The following MYL4 variants were observed in gnomAD, a reference collection of about 807,000 sequenced individuals.
MYL4 encodes atrial myosin light chain 1.
A neutral mutation model predicts 21.6 loss-of-function variants in MYL4; 16 were observed. The observed-to-expected ratio is 0.74, with a 90% CI of 0.50 to 1.12. MYL4 has a LOEUF of 1.12. Among genes scored for constraint, MYL4 ranks in the 50% most tolerant of loss-of-function variants. The pLI, the probability that MYL4 is intolerant of heterozygous loss-of-function variation, is 0.00. For synonymous variants in MYL4, 82 were observed against 95.7 expected, an observed-to-expected ratio of 0.86 and a Z score of 0.83; for missense variants, 249 against 252.9, an observed-to-expected ratio of 0.98 and a Z score of 0.11.
At chr17:47,209,823 A>G (rs1001078680) in intron 1 of MYL4, 5 of 562,616 alleles carry the variant, frequency 8.9e-6, no homozygotes, top group African/African-American at 1.9e-5. Flanking sequence ...TAAGTTGGGA[A>G]TGGGGGGAGG....
intron 1 of MYL4, among the ~76,000 whole-genome samples, chr17:47,211,274 G>A (rs530561427): frequency 3.3e-5 from 5 of 152,296 alleles, no homozygotes; most frequent in Non-Finnish European, 5.9e-5. Flanking sequence ...GAAGCCAGAT[G>A]AGGTGATTCA....
chr17:47,198,328 AAG>A (rs552703196), upstream of MYL4, among the ~76,000 whole-genome samples: 192 of 152,284 alleles, frequency 1.3e-3, 1 homozygote, highest in African/African-American at 4.5e-3. Flanking sequence ...TTAGAACAAA[AAG>A]AGTAAATTTA....
chr17:47,194,340 T>C, the MYL4 span, among the ~76,000 whole-genome samples: 1 of 152,220 alleles, frequency 6.6e-6, no homozygotes, highest in Admixed American at 6.5e-5. Context: ...CTGTCTCTGG[T>C]GATAAGAATG....
chr17:47,198,613 G>T (rs771250629), upstream of MYL4, among the ~76,000 whole-genome samples: 3 of 152,132 alleles, frequency 2.0e-5, no homozygotes, highest in Non-Finnish European at 2.9e-5. Context: ...TATGTGATTT[G>T]GGAGATAGAG....
chr17:47,226,884 TC>T (rs532232230), downstream of MYL4, among the ~76,000 whole-genome samples: 243 of 152,292 alleles, frequency 1.6e-3, 1 homozygote, highest in Middle Eastern at 3.4e-3. Context: ...AAATGGAGTC[TC>T]ACTCTGTGAT....
downstream of MYL4, among the ~76,000 whole-genome samples, chr17:47,227,475 TA>T (rs2064889762): frequency 6.6e-6 from 1 of 152,068 alleles, no homozygotes. Flanking sequence ...GATCCATTTA[TA>T]TACAGACACT....
intron 2 of MYL4, among the ~76,000 whole-genome samples, chr17:47,214,886 T>C (rs572640260): frequency 2.0e-5 from 3 of 152,220 alleles, no homozygotes; most frequent in Non-Finnish European, 4.4e-5. Context: ...CACAAACAGT[T>C]CTACCTCATT....
chr17:47,220,448 G>A (rs143822975), intron 3 of MYL4, among the ~76,000 whole-genome samples: 54 of 152,340 alleles, frequency 3.5e-4, no homozygotes, highest in African/African-American at 1.3e-3. Flanking sequence ...GGTGGCCATC[G>A]CGAGCTGTAT....
At chr17:47,200,501 G>A (rs946548013) in exon 1 of MYL4, 5 of 152,166 alleles carry the variant, frequency 3.3e-5, no homozygotes, top group African/African-American at 9.7e-5. Flanking sequence ...TCAGTGTGAC[G>A]TTGGGCAAGT....
chr17:47,192,218 G>A, the MYL4 span, among the ~76,000 whole-genome samples: 2 of 152,166 alleles, frequency 1.3e-5, no homozygotes, highest in African/African-American at 4.8e-5. Flanking sequence ...GCTGGGCGTG[G>A]TGGCACATGC....
chr17:47,195,412 A>G, the MYL4 span, among the ~76,000 whole-genome samples: 1 of 152,078 alleles, frequency 6.6e-6, no homozygotes, highest in East Asian at 1.9e-4. Flanking sequence ...TATTTTTAGT[A>G]GAGACGGGGT....
the MYL4 span, among the ~76,000 whole-genome samples, chr17:47,190,253 G>T: frequency 1.3e-5 from 2 of 151,952 alleles, no homozygotes; most frequent in Non-Finnish European, 2.9e-5. Flanking sequence ...ATAGGTCCTT[G>T]GCAAATTACC....
chr17:47,196,365 C>T (rs1040542886), upstream of MYL4, among the ~76,000 whole-genome samples: 4 of 152,154 alleles, frequency 2.6e-5, no homozygotes, highest in Non-Finnish European at 5.9e-5. Context: ...GAAAATAAAT[C>T]TCTAATGTTC....
At chr17:47,192,993 GA>G in the MYL4 span, among the ~76,000 whole-genome samples, 1 of 152,142 alleles carries the variant, frequency 6.6e-6, no homozygotes, top group Non-Finnish European at 1.5e-5. Flanking sequence ...GGCATTTAGG[GA>G]ACTATTCAAA....
At chr17:47,220,837 C>T (rs186913866) in intron 3 of MYL4, among the ~76,000 whole-genome samples, 303 of 152,224 alleles carry the variant, frequency 2.0e-3, no homozygotes, top group African/African-American at 7.1e-3. Flanking sequence ...GGTGTTGGCA[C>T]GGGGTTTGGG....
upstream of MYL4, among the ~76,000 whole-genome samples, chr17:47,208,666 C>T (rs564731334): frequency 6.6e-6 from 1 of 152,168 alleles, no homozygotes; most frequent in Admixed American, 6.6e-5. Context: ...GACTTTCTAC[C>T]ACATCTCTCT....
chr17:47,205,648 A>T (rs896024085), upstream of MYL4, among the ~76,000 whole-genome samples: 1 of 152,174 alleles, frequency 6.6e-6, no homozygotes, highest in Non-Finnish European at 1.5e-5. Context: ...GGCTGCTGAA[A>T]ACGAATCCGA....
At chr17:47,223,965 C>A (rs536151399), downstream of MYL4, among the ~76,000 whole-genome samples, 2 of 152,114 alleles carry the variant, frequency 1.3e-5, no homozygotes, top group Non-Finnish European at 2.9e-5. Flanking sequence ...AATCACACCT[C>A]CAGATGGCAG....
At chr17:47,192,365 A>C in the MYL4 span, among the ~76,000 whole-genome samples, 1 of 150,250 alleles carries the variant, frequency 6.7e-6, no homozygotes, top group African/African-American at 2.5e-5. Flanking sequence ...AAAAAAAAAA[A>C]AAGGCCAGGC....
Sources: gnomAD v4.1 joint callset for allele counts (sites outside exome capture counted in the v4.1 genomes callset) on GRCh38, gnomAD v4.1.1 for gene constraint, MANE v1.5 for transcripts, NCBI Gene and HGNC (gene_info 2026-07-23, HGNC 2026-07-21) for gene names.